Variants in TMPRSS11F observed in about 807,000 individuals in gnomAD.
TMPRSS11F encodes transmembrane serine protease 11F, also known as transmembrane protease serine 11F.
TMPRSS11F carries 47 observed loss-of-function variants against 60.2 expected under a neutral mutation model. That is an observed-to-expected ratio of 0.78 (90% CI 0.62 to 1.00). The LOEUF (loss-of-function observed/expected upper bound fraction) is 1.00. Among genes scored for constraint, TMPRSS11F ranks in the 50% least tolerant of loss-of-function variants. TMPRSS11F has a pLI of 0.00. For missense variants in TMPRSS11F, 519 were observed against 522.9 expected, an observed-to-expected ratio of 0.99 and a Z score of 0.07; for synonymous variants, 166 against 167.3, an observed-to-expected ratio of 0.99 and a Z score of 0.06.
intron 2 of TMPRSS11F, among the ~76,000 whole-genome samples, chr4:68,096,562 T>C (rs549009238): frequency 2.3e-4 from 35 of 152,324 alleles, no homozygotes; most frequent in African/African-American, 7.7e-4. Flanking sequence ...TATCTGAAGA[T>C]GTATTCCTGT....
chr4:68,066,526 T>C (rs2109838497), intron 7 of TMPRSS11F, among the ~76,000 whole-genome samples: 1 of 152,324 alleles, frequency 6.6e-6, no homozygotes, highest in East Asian at 1.9e-4. Flanking sequence ...CAAGAATGTT[T>C]TCCCCACTCA....
intron 1 of TMPRSS11F, among the ~76,000 whole-genome samples, chr4:68,100,788 T>C (rs532865502): frequency 2.6e-5 from 4 of 152,296 alleles, no homozygotes; most frequent in African/African-American, 9.6e-5. Context: ...TATCTGTTTA[T>C]ATGATTCTAA....
chr4:68,084,147 C>A (rs573753727), intron 3 of TMPRSS11F, among the ~76,000 whole-genome samples: 3 of 152,090 alleles, frequency 2.0e-5, no homozygotes, highest in South Asian at 2.1e-4. Flanking sequence ...AAGAACGAAA[C>A]CTCCAAGAAA....
chr4:68,092,754 A>G (rs1723970073), intron 2 of TMPRSS11F, among the ~76,000 whole-genome samples: 1 of 152,142 alleles, frequency 6.6e-6, no homozygotes, highest in Admixed American at 6.6e-5. Context: ...TTGATCCCAG[A>G]GTGACACAGC....
chr4:68,116,813 C>T (rs1213575215), intron 1 of TMPRSS11F, among the ~76,000 whole-genome samples: 2 of 152,092 alleles, frequency 1.3e-5, no homozygotes, highest in Non-Finnish European at 2.9e-5. Context: ...AAATTGGGCC[C>T]TATTTCACAC....
At chr4:68,123,546 G>T (rs1724661548) in intron 1 of TMPRSS11F, among the ~76,000 whole-genome samples, 1 of 152,140 alleles carries the variant, frequency 6.6e-6, no homozygotes, top group African/African-American at 2.4e-5. Flanking sequence ...AAAATAAATT[G>T]ATCTTTCCTT....
intron 3 of TMPRSS11F, among the ~76,000 whole-genome samples, chr4:68,089,737 G>A (rs757475412): frequency 1.3e-5 from 2 of 152,082 alleles, no homozygotes; most frequent in Non-Finnish European, 2.9e-5. Context: ...GGATAGTACA[G>A]TGAGGGAGAA....
chr4:68,098,337 C>T (rs183170819), intron 2 of TMPRSS11F, among the ~76,000 whole-genome samples: 1 of 152,048 alleles, frequency 6.6e-6, no homozygotes, highest in East Asian at 1.9e-4. Context: ...AAACCAAAGA[C>T]GAAGGTAAAT....
chr4:68,128,188 A>C (rs1724751883), intron 1 of TMPRSS11F, among the ~76,000 whole-genome samples: 1 of 152,154 alleles, frequency 6.6e-6, no homozygotes, highest in Non-Finnish European at 1.5e-5. Flanking sequence ...TAATGAATTC[A>C]ATAAATCCAC....
In TMPRSS11F at chr4:68,068,577, G is replaced by T. The variant is rs1281803392; in HGVS notation, c.755+41C>A. The stretch of plus-strand genomic sequence containing the variant: ...ATGCGCTAAATCAGTGGCAGATGAG[G>T]ACTGTGAAAAGAAGGCTCACAGCAG... On this transcript the variant is annotated intron_variant, in intron 7 of 9. Coordinates refer to ENST00000356291, the MANE Select transcript of TMPRSS11F (RefSeq NM_207407.2). The T allele has an allele frequency of 3.2e-6, 5 of 1,539,734 alleles. No homozygotes were observed. The African/African-American group carries it at 6.8e-5, about 21-fold the overall frequency.
chr4:68,104,369 A>C (rs955962725), intron 1 of TMPRSS11F, among the ~76,000 whole-genome samples: 1 of 152,092 alleles, frequency 6.6e-6, no homozygotes, highest in Admixed American at 6.6e-5. Flanking sequence ...AGTTCCCATT[A>C]TCCCTACATG....
intron 1 of TMPRSS11F, among the ~76,000 whole-genome samples, chr4:68,123,108 A>T (rs1379138054): frequency 6.6e-6 from 1 of 152,214 alleles, no homozygotes; most frequent in African/African-American, 2.4e-5. Flanking sequence ...CTGTTGCCAC[A>T]GTTTCGTTAT....
intron 1 of TMPRSS11F, among the ~76,000 whole-genome samples, chr4:68,115,947 C>A (rs1724511031): frequency 6.6e-6 from 1 of 152,096 alleles, no homozygotes; most frequent in Non-Finnish European, 1.5e-5. Context: ...CCAAGTTTAA[C>A]TGTATATTTT....
At chr4:68,058,443 A>G (rs1242946243) in intron 9 of TMPRSS11F, among the ~76,000 whole-genome samples, 1 of 152,240 alleles carries the variant, frequency 6.6e-6, no homozygotes, top group East Asian at 1.9e-4. Context: ...GAGAAAACAG[A>G]GGAATCAATG....
chr4:68,089,736 A>G (rs1340633624), intron 3 of TMPRSS11F, among the ~76,000 whole-genome samples: 3 of 152,130 alleles, frequency 2.0e-5, no homozygotes, highest in African/African-American at 4.8e-5. Flanking sequence ...AGGATAGTAC[A>G]GTGAGGGAGA....
intron 9 of TMPRSS11F, among the ~76,000 whole-genome samples, chr4:68,056,715 A>C (rs1428794974): frequency 6.6e-6 from 1 of 152,018 alleles, no homozygotes; most frequent in Non-Finnish European, 1.5e-5. Context: ...GCAAAAAAAA[A>C]CCTTGAATAG....
chr4:68,089,669 A>C (rs1191702636), intron 3 of TMPRSS11F, among the ~76,000 whole-genome samples: 2 of 152,176 alleles, frequency 1.3e-5, no homozygotes, highest in African/African-American at 2.4e-5. Context: ...GAATCAACTT[A>C]TGTAAATAAC....
intron 1 of TMPRSS11F, among the ~76,000 whole-genome samples, chr4:68,103,405 C>T (rs982825023): frequency 2.0e-5 from 3 of 151,222 alleles, no homozygotes; most frequent in African/African-American, 7.3e-5. Context: ...GTGATCATGC[C>T]CCTGCACTTC....
intron 2 of TMPRSS11F, among the ~76,000 whole-genome samples, chr4:68,091,781 C>CTCTCTCTCTA (rs1553887418): frequency 3.3e-4 from 39 of 118,778 alleles, no homozygotes; most frequent in African/African-American, 1.2e-3. Flanking sequence ...CTCTCTCTCT[C>CTCTCTCTCTA]TCTATCTATC....
Sources: allele counts gnomAD v4.1 joint callset (sites outside exome capture counted in the v4.1 genomes callset), GRCh38; gene constraint gnomAD v4.1.1; transcripts MANE v1.5; gene names NCBI Gene and HGNC (gene_info 2026-07-23, HGNC 2026-07-21).